GPR157: variants seen among roughly 807,000 people sequenced by gnomAD.
GPR157 encodes the protein G-protein coupled receptor 157.
A neutral mutation model predicts 23.5 loss-of-function variants in GPR157; 16 were observed. That is an observed-to-expected ratio of 0.68 (90% CI 0.46 to 1.04). The LOEUF is 1.04. GPR157 is among the 50% of genes least tolerant of loss of function. GPR157 has a pLI of 0.00. For missense variants in GPR157, 440 were observed against 460.7 expected, an observed-to-expected ratio of 0.96 and a Z score of 0.41; for synonymous variants, 200 against 221.5, an observed-to-expected ratio of 0.90 and a Z score of 0.86.
Position 9,104,560 on chromosome 1 carries a change from C to T in GPR157, c.867G>A (p.Arg289=). Residue 289 remains arginine, a synonymous_variant, in exon 4 of 4, where the codon CGG becomes CGA. Coordinates refer to ENST00000377411, the MANE Select transcript of GPR157 (RefSeq NM_024980.5). ...FVLCTRAVRT[R]LFSLCCCCCS... is the part of the protein sequence containing the mutation. ...AGCAGCAGCAACAGAGAGAGAAGAG[C>T]CGAGTTCGGACGGCGCGGGTGCAGA... 1.9e-6 allele frequency: 3 copies of T among 1,613,810 alleles called. No individual in the cohort carries two copies. In the African/African-American group the frequency reaches 4.0e-5, roughly 22 times the overall value.
At chr1:9,116,361 TTA>T (rs1231502623) in intron 1 of GPR157, among the ~76,000 whole-genome samples, 1 of 58,690 alleles carries the variant, frequency 1.7e-5, no homozygotes, top group Non-Finnish European at 3.0e-5. Flanking sequence ...TATATATAAA[TTA>T]TATATATATA....
chr1:9,123,279 T>A (rs533905329), intron 1 of GPR157, among the ~76,000 whole-genome samples: 2 of 22,304 alleles, frequency 9.0e-5, no homozygotes, highest in African/African-American at 3.6e-4. Context: ...TATTTAAATA[T>A]ATATTTAAAT....
chr1:9,122,605 A>C (rs1174890593), intron 1 of GPR157, among the ~76,000 whole-genome samples: 2 of 152,184 alleles, frequency 1.3e-5, no homozygotes, highest in African/African-American at 2.4e-5. Flanking sequence ...AGCAATGAGA[A>C]AAACATGTTT....
At chr1:9,110,622 G>A (rs1349391952) in intron 2 of GPR157, among the ~76,000 whole-genome samples, 1 of 152,218 alleles carries the variant, frequency 6.6e-6, no homozygotes, top group African/African-American at 2.4e-5. Context: ...GCGTTTGCTT[G>A]TGGCCAGGAG....
chr1:9,118,655 T>C lies in GPR157; in HGVS notation c.384-7166A>G, dbSNP rs576848789. 1.3e-5 allele frequency among the ~76,000 whole-genome samples: 2 copies of C among 152,292 alleles called. No homozygotes were observed. The highest frequency in any genetic ancestry group is 1.5e-5 in the Non-Finnish European group (1 of 68,020). On this transcript the variant is annotated intron_variant, in intron 1 of 3. Coordinates refer to ENST00000377411, the MANE Select transcript of GPR157 (RefSeq NM_024980.5). This position sits in a 1 kb window ranked among gnomAD's most constrained non-coding sequence, Gnocchi z 4.6. ...TCCCCAGAACCTCAGAATGTGAGTG[T>C]ATTTGAGAGATAGGGTCTTTCAAGA...
chr1:9,108,651 A>T (rs1264818168), intron 2 of GPR157, among the ~76,000 whole-genome samples: 2 of 151,986 alleles, frequency 1.3e-5, no homozygotes, highest in African/African-American at 2.4e-5. Flanking sequence ...AGATCATTTC[A>T]TTTTTTCTTT....
At chr1:9,121,613 C>T (rs965930878) in intron 1 of GPR157, among the ~76,000 whole-genome samples, 7 of 152,192 alleles carry the variant, frequency 4.6e-5, no homozygotes, top group Admixed American at 2.6e-4. Flanking sequence ...TCACTCCAGC[C>T]TGGGTGACAG....
Position 9,111,302 on chromosome 1 carries a change from G to A in GPR157, c.571C>T (p.Leu191=). ...GCTCTGTTGATGTGCTTCCGGACCA[G>A]GAGGTACAGCAGAGGCAGCAGCACA... ...AYVLLPLLYL[L]VRKHINRAHT... Residue 191 remains leucine (L), a synonymous_variant, in exon 2 of 4, where the codon CTG becomes TTG. Coordinates refer to ENST00000377411, the MANE Select transcript of GPR157 (RefSeq NM_024980.5). 6.2e-7 allele frequency: 1 copy of A among 1,614,242 alleles called. No homozygotes were observed. The highest frequency in any genetic ancestry group is 8.5e-7 in the Non-Finnish European group (1 of 1,180,046).
chr1:9,101,559 A>G lies in GPR157; in HGVS notation c.*2860T>C, dbSNP rs1169766774. 6.6e-6 allele frequency: 1 copy of G among 152,252 alleles called. No individual in the cohort carries two copies. Among genetic ancestry groups the G allele is most frequent in the African/African-American group, 2.4e-5 (1 of 41,466 alleles). The allele number at this position is 152,252 out of a possible 1,614,324, so 9.4% of individuals were successfully genotyped here. On this transcript the variant is annotated 3_prime_UTR_variant, in exon 4 of 4. Coordinates refer to ENST00000377411, the MANE Select transcript of GPR157 (RefSeq NM_024980.5). ...CTGGTCACCACCATTCACAGTGATCACTCATCTGTGGCAAGAGGTGGGCAG... is the reference window on the plus strand; with the variant it reads ...CTGGTCACCACCATTCACAGTGATCGCTCATCTGTGGCAAGAGGTGGGCAG...
At chr1:9,111,544 G>C in intron 1 of GPR157, 55 bp from the exon 2 acceptor site, 2 of 1,448,824 alleles carry the variant, frequency 1.4e-6, no homozygotes, top group Admixed American at 3.4e-5. Flanking sequence ...TCCCGGCAAT[G>C]TCAGCCTTCG....
intron 1 of GPR157, among the ~76,000 whole-genome samples, chr1:9,123,537 A>AAATAT (rs1392413193): frequency 9.8e-6 from 1 of 102,336 alleles, no homozygotes; most frequent in Non-Finnish European, 1.8e-5. Flanking sequence ...TATATATTTA[A>AAATAT]ATATATCTAA....
chr1:9,124,453 T>A (rs1638922411), intron 1 of GPR157, among the ~76,000 whole-genome samples: 2 of 152,202 alleles, frequency 1.3e-5, no homozygotes, highest in Non-Finnish European at 2.9e-5. Flanking sequence ...AGGTTTCACA[T>A]CACCAAGATT....
At position 9,105,634 on chromosome 1, in the gene GPR157, C is replaced by T. The variant is rs773700957; in HGVS notation, c.644G>A (p.Arg215His). Reference protein sequence around the residue: ...EYRPILSQEHRLLRHSSMADK... With the variant: ...EYRPILSQEHHLLRHSSMADK... ...CGCCATGGAGGAGTGGCGCAGCAGG[C>T]GGTGCTCCTGGGAGAGGATGGGCCG... is the stretch of plus-strand genomic sequence containing the variant. Residue 215 changes from arginine to histidine, a missense_variant, in exon 3 of 4, where the codon CGC (arginine) becomes CAC (histidine). Coordinates refer to ENST00000377411, the MANE Select transcript of GPR157 (RefSeq NM_024980.5). This position sits in a 1 kb window ranked among gnomAD's most constrained non-coding sequence, Gnocchi z 4.8. The T allele has an allele frequency of 1.6e-5, 25 of 1,612,848 alleles. No homozygotes were observed. The highest frequency in any genetic ancestry group is 8.9e-5 in the East Asian group (4 of 44,858).
chr1:9,105,498 C>A lies in GPR157; in HGVS notation c.780G>T (p.Leu260=). The change falls in exon 3 of 4, where the codon CTG becomes CTT. Residue 260 remains leucine (L), a synonymous_variant. Transcript: ENST00000377411. The surrounding 1 kb of genome is among the most constrained non-coding windows in gnomAD (Gnocchi z 4.8). ...CGSPAVQTPV[L]VVLHGIGNTF... ...AGGGCAGACCTACATGCAGAACCAC[C>A]AGCACCGGCGTCTGCACGGCCGGGG... 1.9e-6 allele frequency: 3 copies of A among 1,568,234 alleles called. No homozygotes were observed. The highest frequency in any genetic ancestry group is 2.6e-6 in the Non-Finnish European group (3 of 1,155,944).
rs748877924 is a variant in GPR157, at chr1:9,120,987, C to A, written c.383+7658G>T. ...AGATGCCACTGCCTGGGGAGACGGG[C>A]CAGCTCTGCCACTGGCTTGTCCTTG... On this transcript the variant is annotated intron_variant, in intron 1 of 3. Coordinates refer to ENST00000377411, the MANE Select transcript of GPR157 (RefSeq NM_024980.5). The surrounding 1 kb of genome is among the most constrained non-coding windows in gnomAD (Gnocchi z 4.1). Among the ~76,000 whole-genome samples, 10 of 152,232 alleles carry A rather than the reference C, an allele frequency of 6.6e-5. No individual in the cohort carries two copies. Among genetic ancestry groups the A allele is most frequent in the Non-Finnish European group, 8.8e-5 (6 of 68,050 alleles).
In GPR157 at chr1:9,108,998, G is replaced by A. The variant is rs553508918; in HGVS notation, c.597+2278C>T. On this transcript the variant is annotated intron_variant, in intron 2 of 3. Coordinates refer to ENST00000377411, the MANE Select transcript of GPR157 (RefSeq NM_024980.5). ...GACAGAGTTTCACCGTGTTGGTCTC[G>A]ATCTCCCGACCTCGTGATCTGCACA... Among the ~76,000 whole-genome samples the A allele has an allele frequency of 8.7e-4, 131 of 151,220 alleles. 1 individual carries two copies. In the Middle Eastern group the frequency reaches 0.01, roughly 12 times the overall value.
chr1:9,123,904 C>T lies in GPR157; in HGVS notation c.383+4741G>A, dbSNP rs1475646509. Among the ~76,000 whole-genome samples, 8 of 147,668 alleles carry T rather than the reference C, an allele frequency of 5.4e-5. No individual in the cohort carries two copies. In the East Asian group the frequency reaches 1.6e-3, roughly 29 times the overall value. ...AGTACAATGGCACAATCTCAGCTCA[C>T]TGCAACCTCTGCCTCCTGGGCTTAA... On this transcript the variant is annotated intron_variant, in intron 1 of 3. Coordinates refer to ENST00000377411, the MANE Select transcript of GPR157 (RefSeq NM_024980.5).
At chr1:9,117,709 C>T (rs1454180655) in intron 1 of GPR157, among the ~76,000 whole-genome samples, 1 of 152,158 alleles carries the variant, frequency 6.6e-6, no homozygotes, top group South Asian at 2.1e-4. Context: ...TTGCAGTAAA[C>T]TGAGATCGCG....
Position 9,109,963 on chromosome 1 carries a change from C to G in GPR157, c.597+1313G>C, listed in dbSNP as rs138935428. On this transcript the variant is annotated intron_variant, in intron 2 of 3. Transcript: ENST00000377411. ...GGCCTACAAGATGGGTACACACCCT[C>G]CTACAATTTCAGCCCTGAAAACTCA... Among the ~76,000 whole-genome samples the G allele has an allele frequency of 5.7e-4, 87 of 152,216 alleles. No homozygotes were observed. In the Middle Eastern group the frequency reaches 0.014, roughly 24 times the overall value.
Sources: gnomAD v4.1 joint callset for allele counts (sites outside exome capture counted in the v4.1 genomes callset) on GRCh38, gnomAD v4.1.1 for gene constraint, Gnocchi (gnomAD v3.1) non-coding constraint, MANE v1.5 for transcripts, NCBI Gene and HGNC (gene_info 2026-07-23, HGNC 2026-07-21) for gene names.